Variants in GALNTL6 observed in about 807,000 individuals in gnomAD.
GALNTL6 encodes polypeptide N-acetylgalactosaminyltransferase-like 6.
In GALNTL6, 46 loss-of-function variants were observed where a neutral mutation model predicts 73.7. The ratio of observed to expected loss-of-function variants is 0.62; its 90% CI spans 0.49 to 0.80. The LOEUF (loss-of-function observed/expected upper bound fraction) is 0.80. GALNTL6 is among the 30% of genes least tolerant of loss of function. GALNTL6 has a pLI of 0.00. For missense variants in GALNTL6, 604 were observed against 755.0 expected, an observed-to-expected ratio of 0.80 and a Z score of 2.34; for synonymous variants, 259 against 263.7, an observed-to-expected ratio of 0.98 and a Z score of 0.17.
intron 9 of GALNTL6, among the ~76,000 whole-genome samples, chr4:172,946,885 C>T (rs1749191088): frequency 6.6e-6 from 1 of 152,146 alleles, no homozygotes; most frequent in Admixed American, 6.5e-5. Context: ...AAGCAGCCAA[C>T]ATGGTTTGCC....
At chr4:172,867,794 A>G (rs1366938869) in intron 7 of GALNTL6, among the ~76,000 whole-genome samples, 1 of 152,204 alleles carries the variant, frequency 6.6e-6, no homozygotes, top group African/African-American at 2.4e-5. Context: ...TTTCAGCTAT[A>G]GGGAACAGGG....
At chr4:171,943,700 T>C (rs1178655702) in intron 2 of GALNTL6, among the ~76,000 whole-genome samples, 1 of 152,192 alleles carries the variant, frequency 6.6e-6, no homozygotes, top group African/African-American at 2.4e-5. Flanking sequence ...TTTATGTTCT[T>C]AACGCTTTCT....
chr4:172,464,470 G>A (rs1346265052), intron 5 of GALNTL6, among the ~76,000 whole-genome samples: 7 of 152,062 alleles, frequency 4.6e-5, no homozygotes, highest in African/African-American at 7.2e-5. Flanking sequence ...CATTTTGGGA[G>A]GCTGAGGCAG....
rs1173477759 is a variant in GALNTL6, at chr4:172,509,492, C to T, written c.553+160803C>T. ...TTTATCTTTGTTTTTGTTGCATTTG[C>T]TTGTGGGTTCTTGGCCATGAAGTCT... On this transcript the variant is annotated intron_variant, in intron 5 of 12. Coordinates refer to ENST00000506823, the MANE Select transcript of GALNTL6 (RefSeq NM_001034845.3). Among the ~76,000 whole-genome samples, 2 of 54,996 alleles carry T rather than the reference C, an allele frequency of 3.6e-5. 1 individual carries two copies. The highest frequency in any genetic ancestry group is 9.1e-5 in the African/African-American group (2 of 22,034). 36.1% of individuals were successfully genotyped at this position (54,996 alleles called of 152,430 possible).
chr4:171,967,318 A>G (rs558371586), intron 2 of GALNTL6, among the ~76,000 whole-genome samples: 1 of 152,220 alleles, frequency 6.6e-6, no homozygotes, highest in South Asian at 2.1e-4. Context: ...ATGGCCTTCC[A>G]TTAAAAAGAA....
At chr4:172,027,925 T>C (rs943563766) in intron 2 of GALNTL6, among the ~76,000 whole-genome samples, 3 of 151,920 alleles carry the variant, frequency 2.0e-5, no homozygotes, top group South Asian at 4.2e-4. Context: ...GTAGCAGAGA[T>C]TGGTTCATTA....
At chr4:172,142,705 C>T (rs1020399642) in intron 2 of GALNTL6, among the ~76,000 whole-genome samples, 8 of 151,622 alleles carry the variant, frequency 5.3e-5, no homozygotes, top group Non-Finnish European at 1.0e-4. Context: ...AGTAATTCTG[C>T]CTGTCTTAGA....
In GALNTL6 at chr4:172,931,243, T is replaced by C; in HGVS notation, c.1124T>C (p.Val375Ala). 2 of 1,607,510 alleles carry C rather than the reference T, an allele frequency of 1.2e-6. No individual in the cohort carries two copies. The highest frequency in any genetic ancestry group is 1.7e-6 in the Non-Finnish European group (2 of 1,173,950). The stretch of plus-strand genomic sequence containing the variant: ...TACAGGAAGTACGTTCCATACAAAG[T>C]TCCATCTGGGACAAGCCTGGCAAGA... ...HIYRKYVPYK[V>A]PSGTSLARNL... The change falls in exon 9 of 13, where the codon GTT becomes GCT. Residue 375 changes from valine to alanine, a missense_variant. Around this residue, in one of 5 missense-constraint regions of GALNTL6, gnomAD observed 261 missense variants for 296.5 expected, o/e 0.88. Transcript: ENST00000506823.
chr4:171,838,875 G>A (rs1332299740), intron 2 of GALNTL6, among the ~76,000 whole-genome samples: 1 of 152,154 alleles, frequency 6.6e-6, no homozygotes, highest in Admixed American at 6.5e-5. Context: ...CACAAGGACG[G>A]TTGCCTTTTA....
chr4:172,585,796 T>A (rs1027438683), intron 5 of GALNTL6, among the ~76,000 whole-genome samples: 2 of 151,968 alleles, frequency 1.3e-5, no homozygotes. Flanking sequence ...TACAAGGAAC[T>A]TAAACAAATT....
At chr4:172,399,305 T>C (rs895478761) in intron 5 of GALNTL6, among the ~76,000 whole-genome samples, 43 of 152,194 alleles carry the variant, frequency 2.8e-4, no homozygotes, top group Admixed American at 2.4e-3. Context: ...AAATATTGCA[T>C]AAATTTTTAT....
At chr4:172,121,608 T>G (rs1241730536) in intron 2 of GALNTL6, among the ~76,000 whole-genome samples, 1 of 152,090 alleles carries the variant, frequency 6.6e-6, no homozygotes, top group East Asian at 1.9e-4. Context: ...AGACAGTAAT[T>G]GATGAGTAAG....
intron 3 of GALNTL6, among the ~76,000 whole-genome samples, chr4:172,264,585 T>TGCCA (rs1451848246): frequency 1.1e-3 from 96 of 88,854 alleles, no homozygotes; most frequent in African/African-American, 4.1e-3. Flanking sequence ...TATATATATA[T>TGCCA]ATATATATTT....
intron 5 of GALNTL6, among the ~76,000 whole-genome samples, chr4:172,502,739 GA>G (rs775874667): frequency 1.3e-5 from 2 of 152,282 alleles, no homozygotes; most frequent in South Asian, 2.1e-4. Flanking sequence ...CTGTATTCTA[GA>G]AGAACACAAC....
At chr4:172,100,890 G>A (rs1732491397) in intron 2 of GALNTL6, among the ~76,000 whole-genome samples, 1 of 152,062 alleles carries the variant, frequency 6.6e-6, no homozygotes, top group Non-Finnish European at 1.5e-5. Context: ...GGAAGTAGGA[G>A]GGTGGAAATT....
chr4:172,510,024 C>T lies in GALNTL6; in HGVS notation c.553+161335C>T, dbSNP rs191903785. ...GGAATTGCATTGAATTTGTAGATCC[C>T]GTTTGGCAGTATGGTCCTTTTCACA... On this transcript the variant is annotated intron_variant, in intron 5 of 12. Transcript: ENST00000506823. 4.0e-4 allele frequency among the ~76,000 whole-genome samples: 22 copies of T among 54,504 alleles called. 9 individuals are homozygous for T. The highest frequency in any genetic ancestry group is 9.2e-4 in the African/African-American group (20 of 21,784). 35.8% of individuals were successfully genotyped at this position (54,504 alleles called of 152,430 possible). A position where few individuals can be genotyped will look rare whatever the true frequency, so the allele number is the denominator to read the frequency against.
At chr4:171,839,017 T>C (rs1241770052) in intron 2 of GALNTL6, among the ~76,000 whole-genome samples, 2 of 152,090 alleles carry the variant, frequency 1.3e-5, no homozygotes, top group African/African-American at 4.8e-5. Flanking sequence ...TTCCAAGGCA[T>C]GATGTACCAT....
intron 5 of GALNTL6, among the ~76,000 whole-genome samples, chr4:172,579,164 T>C (rs1737070418): frequency 2.0e-5 from 3 of 152,208 alleles, no homozygotes; most frequent in African/African-American, 7.2e-5. Context: ...ATTCTATGTT[T>C]GTCCACTGTT....
At chr4:172,989,677 T>G (rs887319021) in intron 10 of GALNTL6, among the ~76,000 whole-genome samples, 2 of 152,214 alleles carry the variant, frequency 1.3e-5, no homozygotes, top group Non-Finnish European at 2.9e-5. Context: ...TTCTGCCTTC[T>G]TTGTCCATGT....
Sources: gnomAD v4.1 joint callset for allele counts (sites outside exome capture counted in the v4.1 genomes callset) on GRCh38, gnomAD v4.1.1 for gene constraint, gnomAD v4.1.1 regional missense constraint, MANE v1.5 for transcripts, NCBI Gene and HGNC (gene_info 2026-07-23, HGNC 2026-07-21) for gene names.